Variants in HERC1 observed in about 807,000 individuals in gnomAD.
HERC1 encodes the protein probable E3 ubiquitin-protein ligase HERC1.
HERC1 carries 160 observed loss-of-function variants against 554.3 expected under a neutral mutation model. The ratio of observed to expected loss-of-function variants is 0.29; its 90% CI spans 0.25 to 0.33. HERC1 has a LOEUF of 0.33. Among genes scored for constraint, HERC1 ranks in the 10% least tolerant of loss-of-function variants. The pLI, the probability that HERC1 is intolerant of heterozygous loss-of-function variation, is 1.00. For missense variants in HERC1, 4,919 were observed against 5,918.5 expected (o/e 0.83, Z 5.54); for synonymous variants, 2,175 against 2,131.7 (o/e 1.02, Z -0.56).
chr15:63,758,779 A>G lies in HERC1; in HGVS notation c.1027-410T>C, dbSNP rs899272689. Among the ~76,000 whole-genome samples, 3 of 152,244 alleles carry G rather than the reference A, an allele frequency of 2.0e-5. No homozygotes were observed. Among genetic ancestry groups the G allele is most frequent in the Non-Finnish European group, 4.4e-5 (3 of 68,050 alleles). ...ACAGTCACCACAGAGGATACATAAA[A>G]GTGACAAACTGCACAAAAGAGTCAT... On this transcript the variant is annotated intron_variant, in intron 3 of 77. Transcript: ENST00000443617. The surrounding 1 kb of genome is among the most constrained non-coding windows in gnomAD (Gnocchi z 4.0).
chr15:63,821,551 T>C (rs2077693573), intron 1 of HERC1, among the ~76,000 whole-genome samples: 1 of 118,888 alleles, frequency 8.4e-6, no homozygotes, highest in Admixed American at 8.6e-5. Context: ...TGAGACTCTG[T>C]CTCAAAAAAA....
In HERC1 at chr15:63,749,095, G is replaced by C. The variant is rs1596146709; in HGVS notation, c.2219+272C>G. ...GCAGATATTTAATTTTTTTAAATCAGCATGTAGAGATGAGAGAGAACTCAA... is the reference window on the plus strand; with the variant it reads ...GCAGATATTTAATTTTTTTAAATCACCATGTAGAGATGAGAGAGAACTCAA... On this transcript the variant is annotated intron_variant, in intron 10 of 77. Coordinates refer to ENST00000443617, the MANE Select transcript of HERC1 (RefSeq NM_003922.4). The surrounding 1 kb of genome is among the most constrained non-coding windows in gnomAD (Gnocchi z 4.1). 6.6e-6 allele frequency among the ~76,000 whole-genome samples: 1 copy of C among 152,010 alleles called. No individual in the cohort carries two copies. Among genetic ancestry groups the C allele is most frequent in the East Asian group, 1.9e-4 (1 of 5,188 alleles).
At position 63,730,449 on chromosome 15, in the gene HERC1, T is replaced by A. The variant is rs543375567; in HGVS notation, c.2869-800A>T. ...ACTCCAGCCTGGGCAACAGAAAGCC[T>A]GTCTCTAATAAAATTAAAATTAAAA... On this transcript the variant is annotated intron_variant, in intron 14 of 77. Coordinates refer to ENST00000443617, the MANE Select transcript of HERC1 (RefSeq NM_003922.4). Among the ~76,000 whole-genome samples, 4 of 152,204 alleles carry A rather than the reference T, an allele frequency of 2.6e-5. No homozygotes were observed. In the East Asian group the frequency reaches 7.7e-4, roughly 29 times the overall value.
Position 63,774,928 on chromosome 15 carries a change from G to A in HERC1, c.696C>T (p.Val232=). 1 of 1,613,964 alleles carries A rather than the reference G, an allele frequency of 6.2e-7. No homozygotes were observed. Residue 232 remains valine (V), a synonymous_variant, in exon 2 of 78, where the codon GTC becomes GTT. Coordinates refer to ENST00000443617, the MANE Select transcript of HERC1 (RefSeq NM_003922.4). ...TGTCTGCCCCAGAATTAGGAATAGTGACTCCTTTAAGAAATGTTGTTACTT... is the reference window on the plus strand; with the variant it reads ...TGTCTGCCCCAGAATTAGGAATAGTAACTCCTTTAAGAAATGTTGTTACTT... ...LSQVTTFLKG[V]TIPNSGADTL...
chr15:63,638,623 T>C (rs1402240005), intron 62 of HERC1, 87 bp from the exon 63 acceptor site: 7 of 1,593,662 alleles, frequency 4.4e-6, no homozygotes, highest in East Asian at 2.2e-5. Context: ...CCAGCCTGTA[T>C]GGGAGACACC....
chr15:63,612,629 AG>A lies in HERC1; in HGVS notation c.14095-74del. On this transcript the variant is annotated intron_variant, in intron 76 of 77. Coordinates refer to ENST00000443617, the MANE Select transcript of HERC1 (RefSeq NM_003922.4). This position sits in a 1 kb window ranked among gnomAD's most constrained non-coding sequence, Gnocchi z 5.0. ...CACCCACCAAGGGCCCTGTGGGGCTAGGCGCCTCCTGATGCCTGCTCGTCCG... is the reference window on the plus strand; with the variant it reads ...CACCCACCAAGGGCCCTGTGGGGCTAGCGCCTCCTGATGCCTGCTCGTCCG... 6.8e-7 allele frequency: 1 copy of A among 1,466,162 alleles called. No homozygotes were observed. The highest frequency in any genetic ancestry group is 1.4e-5 in the African/African-American group (1 of 72,102). The allele number at this position is 1,466,162 out of a possible 1,614,324, so 90.8% of individuals were successfully genotyped here.
intron 18 of HERC1, among the ~76,000 whole-genome samples, chr15:63,724,063 G>T (rs2073935581): frequency 6.6e-6 from 1 of 151,876 alleles, no homozygotes; most frequent in Non-Finnish European, 1.5e-5. Context: ...ATACATACAA[G>T]TAAACAAAAT....
chr15:63,815,464 T>C (rs1365349847), intron 1 of HERC1, among the ~76,000 whole-genome samples: 6 of 152,216 alleles, frequency 3.9e-5, no homozygotes, highest in Non-Finnish European at 8.8e-5. Context: ...TGCAGAAGGT[T>C]GTGTAAAGTA....
chr15:63,754,363 A>T, intron 7 of HERC1, 142 bp downstream of exon 7: 1 of 486,932 alleles, frequency 2.1e-6, no homozygotes, highest in Admixed American at 4.1e-5. Flanking sequence ...TTAAAGTAAC[A>T]TTTGTAAAAG....
Position 63,612,647 on chromosome 15 carries a change from G to C in HERC1, c.14095-91C>G. 8.3e-7 allele frequency: 1 copy of C among 1,208,728 alleles called. No homozygotes were observed. The highest frequency in any genetic ancestry group is 1.2e-6 in the Non-Finnish European group (1 of 864,524). The allele number at this position is 1,208,728 out of a possible 1,614,324, so 74.9% of individuals were successfully genotyped here. On this transcript the variant is annotated intron_variant, in intron 76 of 77. Coordinates refer to ENST00000443617, the MANE Select transcript of HERC1 (RefSeq NM_003922.4). This position sits in a 1 kb window ranked among gnomAD's most constrained non-coding sequence, Gnocchi z 5.0. ...TGGGGCTAGGCGCCTCCTGATGCCT[G>C]CTCGTCCGCTCCCCAGACCCTCTAC...
intron 24 of HERC1, among the ~76,000 whole-genome samples, chr15:63,710,117 T>C (rs1432856191): frequency 6.6e-6 from 1 of 152,230 alleles, no homozygotes; most frequent in South Asian, 2.1e-4. Context: ...CAGGTGACAC[T>C]TCCCAGAATC....
At position 63,694,575 on chromosome 15, in the gene HERC1, A is replaced by C; in HGVS notation, c.5243-26T>G. On this transcript the variant is annotated intron_variant, in intron 28 of 77. Coordinates refer to ENST00000443617, the MANE Select transcript of HERC1 (RefSeq NM_003922.4). This position sits in a 1 kb window ranked among gnomAD's most constrained non-coding sequence, Gnocchi z 4.3. ...CTAAAAGACAAAGAGACAGTTAAGA[A>C]TCTTCCTTTCAGTAAACAAAGCATT... 1 of 1,585,544 alleles carries C rather than the reference A, an allele frequency of 6.3e-7. No homozygotes were observed. Among genetic ancestry groups the C allele is most frequent in the Non-Finnish European group, 8.7e-7 (1 of 1,154,772 alleles).
intron 1 of HERC1, among the ~76,000 whole-genome samples, chr15:63,833,606 C>A (rs917730098): frequency 3.3e-5 from 5 of 152,074 alleles, no homozygotes; most frequent in South Asian, 4.1e-4. Context: ...GCCTCTAGAG[C>A]CGGGGACCCG....
At chr15:63,822,333 C>T (rs2145783375) in intron 1 of HERC1, among the ~76,000 whole-genome samples, 1 of 152,272 alleles carries the variant, frequency 6.6e-6, no homozygotes, top group South Asian at 2.1e-4. Context: ...CGCCTGCAAT[C>T]CCAGCACTTT....
At chr15:63,736,270 G>A (rs1048018651) in intron 12 of HERC1, among the ~76,000 whole-genome samples, 1 of 152,204 alleles carries the variant, frequency 6.6e-6, no homozygotes, top group Admixed American at 6.5e-5. Flanking sequence ...AAGATTGGTT[G>A]AAAACTGGTT....
At chr15:63,644,217 T>C (rs1029906556) in intron 57 of HERC1, among the ~76,000 whole-genome samples, 1 of 152,262 alleles carries the variant, frequency 6.6e-6, no homozygotes, top group Admixed American at 6.5e-5. Context: ...ATGTATTCAC[T>C]ACCCAAAGAT....
rs1171264251 is a variant in HERC1 at position 63,727,230 on chromosome 15, T to C, written c.3346+417A>G. Among the ~76,000 whole-genome samples the C allele has an allele frequency of 6.6e-6, 1 of 152,040 alleles. No homozygotes were observed. The highest frequency in any genetic ancestry group is 2.4e-5 in the African/African-American group (1 of 41,394). ...GGCAGAGGTTGCAATGAGGCAAGATTGCGCCACTGCATTCCAGCCTGGGCA... is the reference window on the plus strand; with the variant it reads ...GGCAGAGGTTGCAATGAGGCAAGATCGCGCCACTGCATTCCAGCCTGGGCA... On this transcript the variant is annotated intron_variant, in intron 17 of 77. Coordinates refer to ENST00000443617, the MANE Select transcript of HERC1 (RefSeq NM_003922.4). The surrounding 1 kb of genome is among the most constrained non-coding windows in gnomAD (Gnocchi z 4.3).
At chr15:63,623,911 G>A (rs1297907492) in intron 72 of HERC1, 21 bp from the exon 73 acceptor site, 4 of 1,611,096 alleles carry the variant, frequency 2.5e-6, no homozygotes, top group Non-Finnish European at 3.4e-6. Flanking sequence ...AAGGGAGAAA[G>A]CAATGAAATA....
chr15:63,833,103 T>C (rs1261147286), intron 1 of HERC1, among the ~76,000 whole-genome samples: 2 of 152,152 alleles, frequency 1.3e-5, no homozygotes, highest in African/African-American at 4.8e-5. Flanking sequence ...CTGCCACCCA[T>C]CACAGAACAG....
Sources: allele counts gnomAD v4.1 joint callset (sites outside exome capture counted in the v4.1 genomes callset), GRCh38; gene constraint gnomAD v4.1.1; non-coding constraint Gnocchi (gnomAD v3.1); transcripts MANE v1.5; gene names NCBI Gene and HGNC (gene_info 2026-07-23, HGNC 2026-07-21).